The following SLC15A2 variants were observed in gnomAD, a reference collection of about 807,000 sequenced individuals.
The protein encoded by SLC15A2 is kidney H(+)/peptide cotransporter.
A neutral mutation model predicts 95.5 loss-of-function variants in SLC15A2; 77 were observed. The ratio of observed to expected loss-of-function variants is 0.81; its 90% CI spans 0.67 to 0.97. The LOEUF (loss-of-function observed/expected upper bound fraction) is 0.97, where lower values mean the gene tolerates loss of function less well. Ranked by LOEUF, SLC15A2 falls within the 50% of genes least tolerant of loss-of-function variation. The pLI is 0.00. For synonymous variants in SLC15A2, 306 were observed against 306.9 expected (o/e 1.00, Z 0.03); for missense variants, 893 against 874.4 (o/e 1.02, Z -0.27).
intron 3 of SLC15A2, among the ~76,000 whole-genome samples, chr3:121,906,686 C>T (rs1216660071): frequency 6.6e-6 from 1 of 152,104 alleles, no homozygotes; most frequent in African/African-American, 2.4e-5. Context: ...GAATATTGGC[C>T]CCCACTCTCT....
chr3:121,922,647 C>A, intron 8 of SLC15A2, 128 bp from the exon 9 acceptor site: 2 of 577,676 alleles, frequency 3.5e-6, no homozygotes, highest in East Asian at 2.9e-5. Context: ...AAATTCAATG[C>A]CTGATTAGGT....
chr3:121,904,602 A>T (rs1709593433), intron 3 of SLC15A2, among the ~76,000 whole-genome samples: 1 of 152,154 alleles, frequency 6.6e-6, no homozygotes, highest in Non-Finnish European at 1.5e-5. Flanking sequence ...GCATCTATTG[A>T]GATAATCATG....
At position 121,923,240 on chromosome 3, in the gene SLC15A2, C is replaced by A; in HGVS notation, c.976C>A (p.Gln326Lys). The change falls in exon 11 of 22, where the codon CAA (glutamine) becomes AAA (lysine). Residue 326 changes from glutamine (Q) to lysine (K), a missense_variant. By Grantham distance (53) the Gln-to-Lys change is moderately conservative. Coordinates refer to ENST00000489711, the MANE Select transcript of SLC15A2 (RefSeq NM_021082.4). Reference sequence around the variant, plus strand: ...GCCCTAGGGTTCACGATGGACTTTGCAAGCCATCAGGATGAATAGGAATTT... The same window carrying A: ...GCCCTAGGGTTCACGATGGACTTTGAAAGCCATCAGGATGAATAGGAATTT... ...LDQQGSRWTL[Q>K]AIRMNRNLGF... 2 of 1,613,898 alleles carry A rather than the reference C, an allele frequency of 1.2e-6. No individual in the cohort carries two copies. The highest frequency in any genetic ancestry group is 1.7e-6 in the Non-Finnish European group (2 of 1,179,868).
chr3:121,916,519 A>G (rs1056972032), intron 7 of SLC15A2, among the ~76,000 whole-genome samples: 1 of 152,224 alleles, frequency 6.6e-6, no homozygotes, highest in Non-Finnish European at 1.5e-5. Context: ...ATGGGAGGGC[A>G]CTGATAGTAG....
At chr3:121,939,173 T>G (rs1274874016) in intron 19 of SLC15A2, 176 bp from the exon 20 acceptor site, 2 of 430,324 alleles carry the variant, frequency 4.6e-6, no homozygotes, top group Non-Finnish European at 8.1e-6. Flanking sequence ...CGAGTGAGCA[T>G]AATATTACGA....
Position 121,904,033 on chromosome 3 carries a change from T to A in SLC15A2, c.335+6504T>A, listed in dbSNP as rs531356968. ...TATCCTCTTTTATTTCATTGAGCAATGGTTTGTAGTTCTCCTTGAAGAGGT... is the reference window on the plus strand; with the variant it reads ...TATCCTCTTTTATTTCATTGAGCAAAGGTTTGTAGTTCTCCTTGAAGAGGT... On this transcript the variant is annotated intron_variant, in intron 3 of 21. Coordinates refer to ENST00000489711, the MANE Select transcript of SLC15A2 (RefSeq NM_021082.4). 3.2e-4 allele frequency among the ~76,000 whole-genome samples: 49 copies of A among 152,364 alleles called. No homozygotes were observed. The South Asian group carries it at 9.5e-3, about 30-fold the overall frequency.
chr3:121,917,422 C>A (rs1178305907), intron 7 of SLC15A2, among the ~76,000 whole-genome samples: 2 of 152,164 alleles, frequency 1.3e-5, no homozygotes, highest in Non-Finnish European at 2.9e-5. Flanking sequence ...GGCATAGTGG[C>A]TCACACCTGT....
At chr3:121,932,753 G>A (rs1042009455) in intron 19 of SLC15A2, among the ~76,000 whole-genome samples, 39 of 151,894 alleles carry the variant, frequency 2.6e-4, no homozygotes, top group African/African-American at 8.7e-4. Context: ...GATCCCTTTG[G>A]TGTGCCATTT....
At chr3:121,925,776 A>G (rs1410765208) in intron 13 of SLC15A2, among the ~76,000 whole-genome samples, 6 of 58,986 alleles carry the variant, frequency 1.0e-4, no homozygotes, top group African/African-American at 4.4e-4. Flanking sequence ...ATATATATAT[A>G]TATATAAAAT....
At chr3:121,928,163 A>G in intron 14 of SLC15A2, 1 of 546,982 alleles carries the variant, frequency 1.8e-6, no homozygotes, top group Non-Finnish European at 3.2e-6. Flanking sequence ...CAGATTGAAT[A>G]GCCACTATTA....
intron 7 of SLC15A2, among the ~76,000 whole-genome samples, chr3:121,921,525 T>C (rs568608308): frequency 9.2e-5 from 14 of 152,304 alleles, no homozygotes; most frequent in African/African-American, 2.9e-4. Flanking sequence ...GCTAAATCAA[T>C]TAATGTATGT....
At chr3:121,928,911 T>G in intron 15 of SLC15A2, 71 bp from the exon 16 acceptor site, 1 of 1,522,170 alleles carries the variant, frequency 6.6e-7, no homozygotes, top group Non-Finnish European at 8.9e-7. Context: ...TACCCTGAGA[T>G]GCTACATCGT....
At position 121,897,417 on chromosome 3, in the gene SLC15A2, C is replaced by T; in HGVS notation, c.223C>T (p.Leu75=). Residue 75 remains leucine (L), a synonymous_variant, in exon 3 of 22, where the codon CTG becomes TTG. Transcript: ENST00000489711. ...AVLILYFLYF[L]HWNEDTSTSI... ...GCTGATCCTGTATTTCCTGTATTTC[C>T]TGCACTGGAATGAAGATACCTCCAC... 6.2e-7 allele frequency: 1 copy of T among 1,613,834 alleles called. No homozygotes were observed. Among genetic ancestry groups the T allele is most frequent in the Admixed American group, 1.7e-5 (1 of 60,006 alleles).
Position 121,922,294 on chromosome 3 carries a change from TG to T in SLC15A2, c.773del (p.Cys258LeufsTer24). 1 of 1,613,518 alleles carries T rather than the reference TG, an allele frequency of 6.2e-7. No individual in the cohort carries two copies. Among genetic ancestry groups the T allele is most frequent in the Non-Finnish European group, 8.5e-7 (1 of 1,179,532 alleles). On this transcript the variant is annotated frameshift_variant, in exon 8 of 22. Coordinates refer to ENST00000489711, the MANE Select transcript of SLC15A2 (RefSeq NM_021082.4). LOFTEE classifies it high-confidence loss of function. ...AAACATAGTGGCTCAAGTTTTCAAATGTATCTGGGTAAGTCCATAAATTGTT... is the reference window on the plus strand; with the variant it reads ...AAACATAGTGGCTCAAGTTTTCAAATTATCTGGGTAAGTCCATAAATTGTT... Reference protein sequence around the residue: ...EGNIVAQVFKCIWFAISNRFK... With the variant: ...EGNIVAQVFKXIWFAISNRFK...
At chr3:121,931,852 T>C (rs1710239551) in intron 19 of SLC15A2, 117 bp downstream of exon 19, 3 of 625,326 alleles carry the variant, frequency 4.8e-6, no homozygotes, top group East Asian at 2.7e-5. Flanking sequence ...GACACGTATA[T>C]TTATTTCTAG....
chr3:121,924,807 A>T, intron 12 of SLC15A2, 138 bp from the exon 13 acceptor site: 1 of 706,536 alleles, frequency 1.4e-6, no homozygotes, highest in Non-Finnish European at 2.6e-6. Flanking sequence ...GGACTGAGGA[A>T]TGTGGAGTCA....
At chr3:121,910,057 C>A (rs1040173450) in intron 3 of SLC15A2, among the ~76,000 whole-genome samples, 3 of 150,958 alleles carry the variant, frequency 2.0e-5, no homozygotes, top group Non-Finnish European at 4.4e-5. Flanking sequence ...ATTTTTTTTT[C>A]TGTTCCTTTT....
intron 13 of SLC15A2, among the ~76,000 whole-genome samples, chr3:121,925,752 A>G (rs1420296026): frequency 2.8e-4 from 22 of 79,318 alleles, no homozygotes; most frequent in African/African-American, 1.3e-3. Flanking sequence ...ATATATATAT[A>G]TATATATATA....
intron 3 of SLC15A2, among the ~76,000 whole-genome samples, chr3:121,904,651 G>A (rs1301897250): frequency 4.6e-5 from 7 of 152,144 alleles, no homozygotes; most frequent in South Asian, 2.1e-4. Context: ...GCCGGATTAC[G>A]TTTATTGATT....
Sources: allele counts gnomAD v4.1 joint callset (sites outside exome capture counted in the v4.1 genomes callset), GRCh38; gene constraint gnomAD v4.1.1; transcripts MANE v1.5; gene names NCBI Gene and HGNC (gene_info 2026-07-23, HGNC 2026-07-21).